Variants in SOS1 observed in about 807,000 individuals in gnomAD.
The protein encoded by SOS1 is son of sevenless homolog 1.
In SOS1, 25 loss-of-function variants were observed where a neutral mutation model predicts 157.6. The observed-to-expected ratio is 0.16, with a 90% CI of 0.12 to 0.22. The LOEUF (loss-of-function observed/expected upper bound fraction) is 0.22. Among genes scored for constraint, SOS1 ranks in the 10% least tolerant of loss-of-function variants. The pLI is 1.00. For missense variants in SOS1, 1,237 were observed against 1,599.1 expected (o/e 0.77, Z 3.86); for synonymous variants, 528 against 534.0 (o/e 0.99, Z 0.16).
At chr2:38,988,164 A>G (rs1668609033) in intron 21 of SOS1, among the ~76,000 whole-genome samples, 1 of 152,178 alleles carries the variant, frequency 6.6e-6, no homozygotes, top group Non-Finnish European at 1.5e-5. Flanking sequence ...TTTGCCTGTA[A>G]GCAAAAAGAG....
intron 17 of SOS1, among the ~76,000 whole-genome samples, chr2:39,000,105 G>A (rs1669043575): frequency 6.6e-6 from 1 of 152,142 alleles, no homozygotes; most frequent in African/African-American, 2.4e-5. Context: ...GGAAATGGGG[G>A]CAGTGGGAAT....
At chr2:39,046,495 C>CTTTTTTTTTTTTTTTTTTTTTTTTTTTT (rs201639147) in intron 6 of SOS1, among the ~76,000 whole-genome samples, 1 of 124,382 alleles carries the variant, frequency 8.0e-6, no homozygotes, top group African/African-American at 3.3e-5. Flanking sequence ...GAGACAGTGT[C>CTTTTTTTTTTTTTTTTTTTTTTTTTTTT]TTTTTTTTTT....
At chr2:39,076,665 A>G (rs1212710394) in intron 1 of SOS1, among the ~76,000 whole-genome samples, 1 of 152,190 alleles carries the variant, frequency 6.6e-6, no homozygotes, top group Non-Finnish European at 1.5e-5. Flanking sequence ...GATATAAACA[A>G]AAAGTGTACA....
intron 3 of SOS1, among the ~76,000 whole-genome samples, chr2:39,057,250 A>G (rs568462719): frequency 6.6e-6 from 1 of 152,262 alleles, no homozygotes; most frequent in African/African-American, 2.4e-5. Flanking sequence ...GAGTTAATAT[A>G]TTATTGGTAT....
intron 15 of SOS1, among the ~76,000 whole-genome samples, chr2:39,009,944 AC>A (rs1172295821): frequency 1.3e-5 from 2 of 152,222 alleles, no homozygotes; most frequent in African/African-American, 4.8e-5. Context: ...TTTTCTAATG[AC>A]AAATATTATC....
rs867520479 is a variant in SOS1, at chr2:39,049,155, T to G, written c.864+1989A>C. Among the ~76,000 whole-genome samples the G allele has an allele frequency of 2.2e-3, 341 of 152,132 alleles. 1 individual carries two copies. The highest frequency in any genetic ancestry group is 8.0e-3 in the African/African-American group (333 of 41,516). ...CTGGTCTTGAACTCCTGACCTCAGG[T>G]GATCTGCCCGCTTCGGCCTCCCAAA... On this transcript the variant is annotated intron_variant, in intron 6 of 22. Coordinates refer to ENST00000402219, the MANE Select transcript of SOS1 (RefSeq NM_005633.4).
chr2:39,046,930 G>C (rs1670807882), intron 6 of SOS1, among the ~76,000 whole-genome samples: 1 of 152,066 alleles, frequency 6.6e-6, no homozygotes, highest in South Asian at 2.1e-4. Flanking sequence ...AAACGCTCTT[G>C]GTCATTGTAT....
intron 15 of SOS1, among the ~76,000 whole-genome samples, chr2:39,008,855 G>C (rs1472843141): frequency 6.6e-6 from 1 of 150,584 alleles, no homozygotes; most frequent in Non-Finnish European, 1.5e-5. Flanking sequence ...GGAAGGAGGA[G>C]CAGTACTCAG....
chr2:39,035,540 T>C, intron 6 of SOS1, 40 bp from the exon 7 acceptor site: 1 of 1,396,130 alleles, frequency 7.2e-7, no homozygotes, highest in Non-Finnish European at 1.0e-6. Flanking sequence ...TAATTTACCA[T>C]TACAAACACA....
chr2:39,080,651 A>G (rs1310745925), intron 1 of SOS1, among the ~76,000 whole-genome samples: 1 of 152,208 alleles, frequency 6.6e-6, no homozygotes, highest in Non-Finnish European at 1.5e-5. Context: ...TCCTATTTTT[A>G]ATTTGGATGC....
chr2:39,096,021 C>CCTCCTATAAAAGA (rs1410187108), intron 1 of SOS1, among the ~76,000 whole-genome samples: 4 of 152,074 alleles, frequency 2.6e-5, no homozygotes, highest in Non-Finnish European at 4.4e-5. Context: ...ATAAAAGAAA[C>CCTCCTATAAAAGA]AACACAGATC....
chr2:39,119,384 T>G (rs1673779286), intron 1 of SOS1, among the ~76,000 whole-genome samples: 1 of 152,200 alleles, frequency 6.6e-6, no homozygotes, highest in African/African-American at 2.4e-5. Flanking sequence ...TTACTGGCCT[T>G]TGAGAAATAT....
Position 39,006,405 on chromosome 2 carries a change from T to C in SOS1, c.2791+7A>G. 3 of 1,266,756 alleles carry C rather than the reference T, an allele frequency of 2.4e-6. No individual in the cohort carries two copies. Among genetic ancestry groups the C allele is most frequent in the South Asian group, 1.2e-5 (1 of 83,972 alleles). The allele number at this position is 1,266,756 out of a possible 1,614,324, so 78.5% of individuals were successfully genotyped here. On this transcript the variant is annotated splice_region_variant and intron_variant, in intron 17 of 22. Transcript: ENST00000402219. ...AATGCAATAAAAATTCAGAAAGAAATACTTACCAAAGAAAGGCACACATGG... is the reference window on the plus strand; with the variant it reads ...AATGCAATAAAAATTCAGAAAGAAACACTTACCAAAGAAAGGCACACATGG...
chr2:39,022,232 GAAA>G (rs200973591), intron 10 of SOS1, among the ~76,000 whole-genome samples: 2 of 150,766 alleles, frequency 1.3e-5, no homozygotes, highest in Non-Finnish European at 3.0e-5. Context: ...AAAGAAGAAA[GAAA>G]AAAAAGATAA....
intron 1 of SOS1, among the ~76,000 whole-genome samples, chr2:39,092,395 C>G (rs2148190109): frequency 6.6e-6 from 1 of 152,242 alleles, no homozygotes; most frequent in South Asian, 2.1e-4. Flanking sequence ...TTATTGGCTG[C>G]TTCTGAACAT....
rs780409557 is a variant in SOS1, at chr2:38,997,357, C to T, written c.2860G>A (p.Glu954Lys). The change falls in exon 18 of 23, where the codon GAG becomes AAG. Residue 954 changes from glutamate (E) to lysine (K), a missense_variant. By Grantham distance (56) the Glu-to-Lys change is moderately conservative. Coordinates refer to ENST00000402219, the MANE Select transcript of SOS1 (RefSeq NM_005633.4). ...CTCCTTTTGCTAAAGTTTATAAGCT[C>T]TTTTCCATGTCTTTTTAGGACCTCA... ...NPEVLKRHGK[E>K]LINFSKRRKV... 1.9e-6 allele frequency: 3 copies of T among 1,612,778 alleles called. No homozygotes were observed. Among genetic ancestry groups the T allele is most frequent in the Non-Finnish European group, 2.5e-6 (3 of 1,179,054 alleles).
intron 17 of SOS1, among the ~76,000 whole-genome samples, chr2:39,002,980 G>C (rs1211831052): frequency 6.6e-6 from 1 of 151,496 alleles, no homozygotes; most frequent in Non-Finnish European, 1.5e-5. Context: ...CGGGATGACT[G>C]CTTGAGCCCA....
chr2:39,033,194 CTGAG>C (rs1230274219), intron 8 of SOS1, among the ~76,000 whole-genome samples: 1 of 132,264 alleles, frequency 7.6e-6, no homozygotes, highest in Non-Finnish European at 1.6e-5. Context: ...CCTCAGCTTC[CTGAG>C]TATCTGGGAT....
intron 6 of SOS1, among the ~76,000 whole-genome samples, chr2:39,046,131 T>C (rs1043787048): frequency 2.0e-5 from 3 of 152,192 alleles, no homozygotes; most frequent in African/African-American, 7.2e-5. Flanking sequence ...CATTTTATCT[T>C]ATCATTGTTT....
Sources: gnomAD v4.1 joint callset for allele counts (sites outside exome capture counted in the v4.1 genomes callset) on GRCh38, gnomAD v4.1.1 for gene constraint, MANE v1.5 for transcripts, NCBI Gene and HGNC (gene_info 2026-07-23, HGNC 2026-07-21) for gene names.